ARHGAP39: variants seen among roughly 807,000 people sequenced by gnomAD.
ARHGAP39 encodes rho GTPase-activating protein 39.
In ARHGAP39, 44 loss-of-function variants were observed where a neutral mutation model predicts 106.9. The observed-to-expected ratio is 0.41, with a 90% CI of 0.32 to 0.53. The LOEUF is 0.53. ARHGAP39 is among the 20% of genes least tolerant of loss of function. The probability of loss-of-function intolerance (pLI) is 0.21; values close to 1 mark genes in which losing one functional copy is unlikely to be tolerated. For missense variants in ARHGAP39, 1,496 were observed against 1,577.3 expected, an observed-to-expected ratio of 0.95 and a Z score of 0.87; for synonymous variants, 768 against 693.2, an observed-to-expected ratio of 1.11 and a Z score of -1.69.
intron 1 of ARHGAP39, among the ~76,000 whole-genome samples, chr8:144,659,036 C>A (rs957288738): frequency 1.3e-5 from 2 of 152,040 alleles, no homozygotes; most frequent in Non-Finnish European, 2.9e-5. Flanking sequence ...GTGTAATAGC[C>A]CCATTGTCTT....
chr8:144,534,089 TC>T (rs1446050873), intron 8 of ARHGAP39, 39 bp downstream of exon 8: 7 of 1,606,092 alleles, frequency 4.4e-6, no homozygotes, highest in Non-Finnish European at 6.0e-6. Flanking sequence ...GGTCTCTGTG[TC>T]CCCGCCTGCC....
intron 1 of ARHGAP39, among the ~76,000 whole-genome samples, chr8:144,660,112 C>T (rs1188330831): frequency 2.0e-5 from 3 of 152,172 alleles, no homozygotes; most frequent in Non-Finnish European, 2.9e-5. Context: ...TGCCACTCTG[C>T]CCCCGACCCC....
At chr8:144,628,921 C>G (rs569853216) in intron 1 of ARHGAP39, among the ~76,000 whole-genome samples, 1 of 152,180 alleles carries the variant, frequency 6.6e-6, no homozygotes, top group East Asian at 1.9e-4. Flanking sequence ...TTCGCATTGC[C>G]GCACCCCATC....
intron 1 of ARHGAP39, among the ~76,000 whole-genome samples, chr8:144,637,752 G>A (rs1821208702): frequency 6.6e-6 from 1 of 151,902 alleles, no homozygotes; most frequent in Non-Finnish European, 1.5e-5. Context: ...CCAGGCTGGA[G>A]TGCAGTGGCA....
chr8:144,640,246 TG>T, intron 1 of ARHGAP39, among the ~76,000 whole-genome samples: 1 of 152,332 alleles, frequency 6.6e-6, no homozygotes, highest in South Asian at 2.1e-4. Context: ...ACAGTTTTCA[TG>T]GCACATGATG....
chr8:144,676,142 C>T (rs1822231972), intron 1 of ARHGAP39, among the ~76,000 whole-genome samples: 1 of 152,204 alleles, frequency 6.6e-6, no homozygotes, highest in Non-Finnish European at 1.5e-5. Context: ...TGGAAGGGGA[C>T]CCCAGCGTGT....
chr8:144,623,402 G>A (rs1366235974), intron 1 of ARHGAP39, among the ~76,000 whole-genome samples: 1 of 152,210 alleles, frequency 6.6e-6, no homozygotes, highest in African/African-American at 2.4e-5. Flanking sequence ...AGATTTTAAA[G>A]ATCTTGGTAA....
At chr8:144,577,920 T>C (rs1354648343) in intron 3 of ARHGAP39, among the ~76,000 whole-genome samples, 1 of 152,154 alleles carries the variant, frequency 6.6e-6, no homozygotes, top group Non-Finnish European at 1.5e-5. Flanking sequence ...AAAATTAATA[T>C]TGCTTGGATG....
At chr8:144,685,140 C>T (rs543137039) in intron 1 of ARHGAP39, among the ~76,000 whole-genome samples, 33 of 147,068 alleles carry the variant, frequency 2.2e-4, no homozygotes, top group Non-Finnish European at 1.3e-4. Flanking sequence ...CATCTAGGGC[C>T]GGGCACACTC....
chr8:144,580,886 G>A lies in ARHGAP39; in HGVS notation c.472C>T (p.Arg158Trp), dbSNP rs1337610744. The A allele has an allele frequency of 6.3e-7, 1 of 1,588,572 alleles. No homozygotes were observed. Among genetic ancestry groups the A allele is most frequent in the South Asian group, 1.1e-5 (1 of 88,332 alleles). ...KAQELPARAG[R>W]PAAFGTVKED... Reference sequence around the variant, plus strand: ...TTCACTGTCCCAAACGCCGCGGGCCGCCCGGCCCTCGCTGGCAACTCCTGC... The same window carrying A: ...TTCACTGTCCCAAACGCCGCGGGCCACCCGGCCCTCGCTGGCAACTCCTGC... Residue 158 changes from arginine (R) to tryptophan (W), a missense_variant, in exon 3 of 12, where the codon CGG becomes TGG. Coordinates refer to ENST00000377307, the MANE Select transcript of ARHGAP39 (RefSeq NM_025251.3).
rs540135408 is a variant in ARHGAP39, at chr8:144,671,601, T to G, written c.-82+14085A>C. Among the ~76,000 whole-genome samples the G allele has an allele frequency of 6.6e-6, 1 of 152,248 alleles. No homozygotes were observed. Among genetic ancestry groups the G allele is most frequent in the Non-Finnish European group, 1.5e-5 (1 of 68,044 alleles). ...CACACATCCCTCCCGCCTGAGGCTC[T>G]TTCTGTGCCTGGTGAATAGCCCAAG... is the stretch of plus-strand genomic sequence containing the variant. On this transcript the variant is annotated intron_variant, in intron 1 of 11. Coordinates refer to ENST00000377307, the MANE Select transcript of ARHGAP39 (RefSeq NM_025251.3). The surrounding 1 kb of genome is among the most constrained non-coding windows in gnomAD (Gnocchi z 4.5).
intron 3 of ARHGAP39, among the ~76,000 whole-genome samples, chr8:144,559,124 C>T (rs1198316962): frequency 6.6e-6 from 1 of 151,942 alleles, no homozygotes; most frequent in Non-Finnish European, 1.5e-5. Flanking sequence ...AGGAGAATGG[C>T]GTGAACCCAG....
At chr8:144,643,977 G>A (rs1490069298) in intron 1 of ARHGAP39, among the ~76,000 whole-genome samples, 1 of 152,166 alleles carries the variant, frequency 6.6e-6, no homozygotes, top group Non-Finnish European at 1.5e-5. Flanking sequence ...GGAGAAACAA[G>A]AGCCCTCGTA....
In ARHGAP39 at chr8:144,545,169, A is replaced by G. The variant is rs2620643; in HGVS notation, c.2521+80T>C. 26,063 of 1,326,340 alleles carry G rather than the reference A, an allele frequency of 0.02. 3,738 individuals are homozygous for G. In the African/African-American group the frequency reaches 0.32, roughly 16 times the overall value. The allele number at this position is 1,326,340 out of a possible 1,614,324, so 82.2% of individuals were successfully genotyped here. The stretch of plus-strand genomic sequence containing the variant: ...TGTGTGGAGGGCCGCCAGGGACTTC[A>G]CCAGCTGCCGCCCAGCACAGCAGGA... On this transcript the variant is annotated intron_variant, in intron 6 of 11. Coordinates refer to ENST00000377307, the MANE Select transcript of ARHGAP39 (RefSeq NM_025251.3).
intron 1 of ARHGAP39, among the ~76,000 whole-genome samples, chr8:144,678,806 C>A (rs950241259): frequency 1.3e-5 from 2 of 152,190 alleles, no homozygotes; most frequent in Non-Finnish European, 2.9e-5. Context: ...GTGTCAGAAT[C>A]ACCCCTGGGG....
In ARHGAP39 at chr8:144,645,610, T is replaced by C. The variant is rs1416329725; in HGVS notation, c.-81-39915A>G. On this transcript the variant is annotated intron_variant, in intron 1 of 11. Coordinates refer to ENST00000377307, the MANE Select transcript of ARHGAP39 (RefSeq NM_025251.3). The surrounding 1 kb of genome is among the most constrained non-coding windows in gnomAD (Gnocchi z 4.4). ...TGGTCTCTCCCGGCACAGAGTCCCATGAATGTCATCATCCCAGACGTGTTA... is the reference window on the plus strand; with the variant it reads ...TGGTCTCTCCCGGCACAGAGTCCCACGAATGTCATCATCCCAGACGTGTTA... Among the ~76,000 whole-genome samples the C allele has an allele frequency of 6.6e-6, 1 of 152,246 alleles. No homozygotes were observed. The highest frequency in any genetic ancestry group is 1.9e-4 in the East Asian group (1 of 5,196).
intron 2 of ARHGAP39, among the ~76,000 whole-genome samples, chr8:144,599,623 T>C (rs551973257): frequency 9.9e-5 from 15 of 152,094 alleles, no homozygotes; most frequent in African/African-American, 3.6e-4. Context: ...TCTATATGTT[T>C]AAAAGACAAA....
At chr8:144,622,343 C>A (rs1820828152) in intron 1 of ARHGAP39, among the ~76,000 whole-genome samples, 1 of 152,030 alleles carries the variant, frequency 6.6e-6, no homozygotes, top group South Asian at 2.1e-4. Flanking sequence ...TCCTCACACC[C>A]CCATGGCCAT....
At chr8:144,606,638 T>A (rs939330778) in intron 1 of ARHGAP39, among the ~76,000 whole-genome samples, 1 of 151,474 alleles carries the variant, frequency 6.6e-6, no homozygotes, top group African/African-American at 2.4e-5. Flanking sequence ...GAGGTGACGG[T>A]GGAGGAGGTG....
Sources: gnomAD v4.1 joint callset for allele counts (sites outside exome capture counted in the v4.1 genomes callset) on GRCh38, gnomAD v4.1.1 for gene constraint, Gnocchi (gnomAD v3.1) non-coding constraint, MANE v1.5 for transcripts, NCBI Gene and HGNC (gene_info 2026-07-23, HGNC 2026-07-21) for gene names.